The following RCAN2 variants were observed in gnomAD, a reference collection of about 807,000 sequenced individuals.
RCAN2 encodes the protein regulator of calcineurin 2.
RCAN2 carries 9 observed loss-of-function variants against 23.6 expected under a neutral mutation model. The ratio of observed to expected loss-of-function variants is 0.38; its 90% confidence interval spans 0.23 to 0.67. The LOEUF is 0.67. Ranked by LOEUF, RCAN2 falls within the 30% of genes least tolerant of loss-of-function variation. The pLI, the probability that RCAN2 is intolerant of heterozygous loss-of-function variation, is 0.51. For missense variants in RCAN2, 273 were observed against 302.3 expected, an observed-to-expected ratio of 0.90 and a Z score of 0.72; for synonymous variants, 109 against 115.7, an observed-to-expected ratio of 0.94 and a Z score of 0.37.
At chr6:46,316,961 T>G (rs1763460628) in intron 2 of RCAN2, among the ~76,000 whole-genome samples, 1 of 152,214 alleles carries the variant, frequency 6.6e-6, no homozygotes, top group Admixed American at 6.5e-5. Flanking sequence ...TTTGTTTACC[T>G]TGGAGGTTTC....
intron 1 of RCAN2, among the ~76,000 whole-genome samples, chr6:46,478,334 G>T (rs750738729): frequency 6.6e-6 from 1 of 152,008 alleles, no homozygotes. Flanking sequence ...CAATGATAGT[G>T]ATATAATAAC....
intron 4 of RCAN2, among the ~76,000 whole-genome samples, chr6:46,239,213 C>T (rs2150312850): frequency 6.6e-6 from 1 of 152,284 alleles, no homozygotes. Context: ...TTATTGGAAA[C>T]ATAAAAATCA....
At chr6:46,404,136 C>T (rs938288541) in intron 2 of RCAN2, among the ~76,000 whole-genome samples, 2 of 151,898 alleles carry the variant, frequency 1.3e-5, no homozygotes, top group Non-Finnish European at 2.9e-5. Flanking sequence ...GCAGGAGAAT[C>T]GCTTGAACCT....
At chr6:46,294,654 T>C (rs1327062484) in intron 2 of RCAN2, among the ~76,000 whole-genome samples, 4 of 152,266 alleles carry the variant, frequency 2.6e-5, no homozygotes, top group African/African-American at 7.2e-5. Flanking sequence ...TAATGCCTTA[T>C]GTGTTGTGTG....
At chr6:46,311,339 A>C (rs925628381) in intron 2 of RCAN2, among the ~76,000 whole-genome samples, 2 of 152,188 alleles carry the variant, frequency 1.3e-5, no homozygotes, top group African/African-American at 4.8e-5. Context: ...ACATCTACAT[A>C]AGCAGAAACT....
intron 2 of RCAN2, among the ~76,000 whole-genome samples, chr6:46,388,115 AG>A (rs966543723): frequency 7.0e-6 from 1 of 142,338 alleles, no homozygotes; most frequent in African/African-American, 2.5e-5. Context: ...GGGTGGGGGT[AG>A]GGGGGAGGGA....
intron 2 of RCAN2, among the ~76,000 whole-genome samples, chr6:46,410,451 T>TAA (rs35661450): frequency 3.9e-5 from 6 of 152,080 alleles, no homozygotes; most frequent in African/African-American, 1.4e-4. Flanking sequence ...TAGGACATGG[T>TAA]AAAAAAAGGT....
chr6:46,461,894 C>T (rs191994809), intron 1 of RCAN2, among the ~76,000 whole-genome samples: 1 of 152,294 alleles, frequency 6.6e-6, no homozygotes, highest in East Asian at 1.9e-4. Context: ...CCAGCTGTGG[C>T]TTTCTTGACT....
chr6:46,470,267 C>T (rs1768522449), intron 1 of RCAN2, among the ~76,000 whole-genome samples: 1 of 152,108 alleles, frequency 6.6e-6, no homozygotes, highest in Admixed American at 6.5e-5. Flanking sequence ...CCAACAAGAC[C>T]AATGGAAGCT....
intron 1 of RCAN2, among the ~76,000 whole-genome samples, chr6:46,481,338 G>A (rs1173320975): frequency 2.0e-5 from 3 of 152,196 alleles, no homozygotes; most frequent in African/African-American, 7.2e-5. Context: ...ATCTATGGAT[G>A]TGCCATAAAT....
chr6:46,436,849 C>G (rs1470292551), intron 2 of RCAN2, among the ~76,000 whole-genome samples: 1 of 152,062 alleles, frequency 6.6e-6, no homozygotes, highest in East Asian at 1.9e-4. Flanking sequence ...ACAGAATGAC[C>G]CTTGTGGGGA....
chr6:46,310,110 T>C (rs1268546248), intron 2 of RCAN2, among the ~76,000 whole-genome samples: 1 of 152,120 alleles, frequency 6.6e-6, no homozygotes, highest in East Asian at 1.9e-4. Flanking sequence ...CTCCAATTCA[T>C]ACCCGGTTCT....
intron 2 of RCAN2, among the ~76,000 whole-genome samples, chr6:46,251,067 T>G (rs1269293637): frequency 6.6e-6 from 1 of 152,226 alleles, no homozygotes; most frequent in East Asian, 1.9e-4. Flanking sequence ...GTGACATTTG[T>G]GGAGATTTGA....
At chr6:46,230,099 G>T (rs1765825010) in intron 4 of RCAN2, among the ~76,000 whole-genome samples, 1 of 152,204 alleles carries the variant, frequency 6.6e-6, no homozygotes, top group South Asian at 2.1e-4. Context: ...AACAAATATT[G>T]CAGAGCGGCA....
chr6:46,490,904 C>T (rs1447880644), intron 1 of RCAN2, among the ~76,000 whole-genome samples: 2 of 152,024 alleles, frequency 1.3e-5, no homozygotes, highest in South Asian at 4.1e-4. Flanking sequence ...CTCCTTTGGA[C>T]CCGCGCCCCC....
At chr6:46,310,237 T>A (rs1388724834) in intron 2 of RCAN2, among the ~76,000 whole-genome samples, 1 of 152,000 alleles carries the variant, frequency 6.6e-6, no homozygotes, top group African/African-American at 2.4e-5. Flanking sequence ...TGACAATAAT[T>A]GCCTGGAATA....
intron 2 of RCAN2, among the ~76,000 whole-genome samples, chr6:46,387,979 C>T (rs1449528782): frequency 6.6e-6 from 1 of 152,100 alleles, no homozygotes; most frequent in Non-Finnish European, 1.5e-5. Flanking sequence ...TGGAAACCAT[C>T]ATTCTCAGCA....
In RCAN2 at chr6:46,419,053, G is replaced by A. The variant is rs114090427; in HGVS notation, c.225+37699C>T. On this transcript the variant is annotated intron_variant, in intron 2 of 4. Coordinates refer to ENST00000371374, the MANE Select transcript of RCAN2 (RefSeq NM_001251974.2). Reference sequence around the variant, plus strand: ...AGAAAAAAGAAAATAACATAATTTGGCTACAATCTGTGCTCTTCAGGCCGT... The same window carrying A: ...AGAAAAAAGAAAATAACATAATTTGACTACAATCTGTGCTCTTCAGGCCGT... 8.7e-3 allele frequency among the ~76,000 whole-genome samples: 1,329 copies of A among 152,132 alleles called. 19 individuals carry two copies. Among genetic ancestry groups the A allele is most frequent in the African/African-American group, 0.031 (1,268 of 41,494 alleles).
At chr6:46,336,705 A>G (rs1660826816) in intron 2 of RCAN2, among the ~76,000 whole-genome samples, 1 of 152,226 alleles carries the variant, frequency 6.6e-6, no homozygotes, top group African/African-American at 2.4e-5. Flanking sequence ...ATCTATCAAA[A>G]GTTCTTGAAA....
Sources: allele counts gnomAD v4.1 joint callset (sites outside exome capture counted in the v4.1 genomes callset), GRCh38; gene constraint gnomAD v4.1.1; transcripts MANE v1.5; gene names NCBI Gene and HGNC (gene_info 2026-07-23, HGNC 2026-07-21).